Variants in SEMA6A observed in about 807,000 individuals in gnomAD.
SEMA6A encodes semaphorin-6A.
A neutral mutation model predicts 96.8 loss-of-function variants in SEMA6A; 25 were observed. The ratio of observed to expected loss-of-function variants is 0.26; its 90% CI spans 0.19 to 0.36. The LOEUF (loss-of-function observed/expected upper bound fraction) is 0.36. Among genes scored for constraint, SEMA6A ranks in the 10% least tolerant of loss-of-function variants. SEMA6A has a pLI of 1.00. For missense variants in SEMA6A, 1,363 were observed against 1,323.1 expected (o/e 1.03, Z -0.47); for synonymous variants, 612 against 518.0 (o/e 1.18, Z -2.46).
chr5:116,539,972 G>A (rs1394808571), intron 1 of SEMA6A, among the ~76,000 whole-genome samples: 1 of 152,088 alleles, frequency 6.6e-6, no homozygotes, highest in African/African-American at 2.4e-5. Context: ...TTGAGTAAAT[G>A]TACTTGGGAA....
intron 1 of SEMA6A, among the ~76,000 whole-genome samples, chr5:116,570,799 G>T (rs946501502): frequency 6.6e-6 from 1 of 152,154 alleles, no homozygotes; most frequent in Non-Finnish European, 1.5e-5. Context: ...ATTTCATATA[G>T]GAGTGCAACT....
chr5:116,541,554 C>T (rs940148808), intron 1 of SEMA6A, among the ~76,000 whole-genome samples: 1 of 152,112 alleles, frequency 6.6e-6, no homozygotes, highest in African/African-American at 2.4e-5. Context: ...TAGAGCAGGC[C>T]GGGTGCAGTG....
chr5:116,492,944 G>A (rs1181564687), intron 6 of SEMA6A, among the ~76,000 whole-genome samples: 1 of 152,018 alleles, frequency 6.6e-6, no homozygotes, highest in Non-Finnish European at 1.5e-5. Flanking sequence ...CATCAGCAAT[G>A]TCACACTGTC....
At position 116,478,014 on chromosome 5, in the gene SEMA6A, T is replaced by A; in HGVS notation, c.1568A>T (p.Lys523Ile). 1.2e-6 allele frequency: 2 copies of A among 1,613,972 alleles called. No individual in the cohort carries two copies. The highest frequency in any genetic ancestry group is 8.5e-7 in the Non-Finnish European group (1 of 1,179,864). ...GRCERHGKCK[K>I]TCIASRDPYC... Reference sequence around the variant, plus strand: ...ATTGTCAATGAGGCAAAATACATACTTTTTACACTTCCCATGTCGTTCACA... The same window carrying A: ...ATTGTCAATGAGGCAAAATACATACATTTTACACTTCCCATGTCGTTCACA... The change falls in exon 14 of 19, where the codon AAA becomes ATA. Residue 523 changes from lysine to isoleucine, a missense_variant and splice_region_variant. By Grantham distance (102) the Lys-to-Ile change is moderately radical. Transcript: ENST00000343348.
Position 116,446,868 on chromosome 5 carries a change from G to C in SEMA6A, c.2838C>G (p.His946Gln). 1 of 1,613,996 alleles carries C rather than the reference G, an allele frequency of 6.2e-7. No homozygotes were observed. The highest frequency in any genetic ancestry group is 8.5e-7 in the Non-Finnish European group (1 of 1,179,892). The change falls in exon 19 of 19, where the codon CAC (histidine) becomes CAG (glutamine). Residue 946 changes from histidine (H) to glutamine (Q), a missense_variant. This residue lies in a region of SEMA6A where 883 missense variants were observed against 763.6 expected (regional missense o/e 1.16). Transcript: ENST00000343348. The part of the protein sequence containing the change: ...RNNTNSSNSS[H>Q]LSRNQSFGRG... ...TGCCAAAGCTCTGGTTTCTGGAGAG[G>C]TGAGAGGAATTGGAGGAGTTAGTGT...
chr5:116,573,990 G>A (rs895687913), intron 1 of SEMA6A, among the ~76,000 whole-genome samples, 195 bp downstream of exon 1: 1 of 151,824 alleles, frequency 6.6e-6, no homozygotes, highest in Non-Finnish European at 1.5e-5. Flanking sequence ...CTGGGGCGCA[G>A]GGCAGAGAGG....
At chr5:116,456,670 C>A (rs1755028018) in intron 18 of SEMA6A, among the ~76,000 whole-genome samples, 1 of 152,178 alleles carries the variant, frequency 6.6e-6, no homozygotes. Flanking sequence ...GTAACTGTGG[C>A]CGTCAGATAG....
At chr5:116,524,043 C>T (rs1257934360) in intron 1 of SEMA6A, among the ~76,000 whole-genome samples, 2 of 152,140 alleles carry the variant, frequency 1.3e-5, no homozygotes, top group Admixed American at 6.5e-5. Context: ...AACCCACTTA[C>T]AGAATATAAT....
chr5:116,459,020 C>A (rs972253593), intron 18 of SEMA6A, among the ~76,000 whole-genome samples: 3 of 152,110 alleles, frequency 2.0e-5, no homozygotes, highest in Non-Finnish European at 2.9e-5. Flanking sequence ...CATATAGATT[C>A]CTTTTCTCGT....
intron 11 of SEMA6A, among the ~76,000 whole-genome samples, chr5:116,480,600 CG>C: frequency 6.6e-6 from 1 of 152,210 alleles, no homozygotes; most frequent in East Asian, 1.9e-4. Context: ...GCACATATCT[CG>C]GGGATGGTTT....
intron 18 of SEMA6A, among the ~76,000 whole-genome samples, chr5:116,459,439 T>C (rs895933525): frequency 6.6e-6 from 1 of 152,176 alleles, no homozygotes; most frequent in African/African-American, 2.4e-5. Flanking sequence ...CATCCTCCAC[T>C]TCCTGTTGCT....
At chr5:116,550,377 A>T (rs945311466) in intron 1 of SEMA6A, 2 of 152,188 alleles carry the variant, frequency 1.3e-5, no homozygotes, top group African/African-American at 2.4e-5. Flanking sequence ...TTGGTTCTGA[A>T]CATTGAAACC....
chr5:116,534,481 TCCCTCTCC>T (rs1249950885), intron 1 of SEMA6A, among the ~76,000 whole-genome samples: 3 of 152,188 alleles, frequency 2.0e-5, no homozygotes, highest in Non-Finnish European at 4.4e-5. Flanking sequence ...CACACTCCGC[TCCCTCTCC>T]CCAGTGAAGT....
intron 1 of SEMA6A, among the ~76,000 whole-genome samples, chr5:116,573,397 G>T (rs1172952637): frequency 6.7e-6 from 1 of 149,550 alleles, no homozygotes; most frequent in Non-Finnish European, 1.5e-5. Flanking sequence ...CTTCAGGAGG[G>T]ACGCAGCCGC....
At chr5:116,516,802 C>G (rs901418086) in intron 1 of SEMA6A, among the ~76,000 whole-genome samples, 2 of 152,126 alleles carry the variant, frequency 1.3e-5, no homozygotes, top group East Asian at 3.8e-4. Flanking sequence ...AAAATAAATT[C>G]TACGAAATTA....
At chr5:116,478,808 T>C in intron 12 of SEMA6A, 90 bp from the exon 13 acceptor site, 3 of 1,269,248 alleles carry the variant, frequency 2.4e-6, no homozygotes, top group Middle Eastern at 1.9e-4. Context: ...GACATAGCCT[T>C]CTAGTAATAA....
intron 1 of SEMA6A, among the ~76,000 whole-genome samples, chr5:116,561,116 C>T (rs938424324): frequency 3.9e-5 from 6 of 152,126 alleles, no homozygotes; most frequent in African/African-American, 9.7e-5. Flanking sequence ...ATTACTTGAC[C>T]TCTTTGAACC....
intron 1 of SEMA6A, among the ~76,000 whole-genome samples, chr5:116,544,217 G>T (rs1417466085): frequency 1.5e-4 from 23 of 152,058 alleles, no homozygotes; most frequent in Admixed American, 1.5e-3. Flanking sequence ...TGGATGCGGG[G>T]TCTACGGCAT....
intron 17 of SEMA6A, among the ~76,000 whole-genome samples, chr5:116,470,438 A>C (rs1454415336): frequency 6.6e-6 from 1 of 152,208 alleles, no homozygotes; most frequent in East Asian, 1.9e-4. Flanking sequence ...ATTCTCATAA[A>C]ATACAAATAA....
Sources: gnomAD v4.1 joint callset for allele counts (sites outside exome capture counted in the v4.1 genomes callset) on GRCh38, gnomAD v4.1.1 for gene constraint, gnomAD v4.1.1 regional missense constraint, MANE v1.5 for transcripts, NCBI Gene and HGNC (gene_info 2026-07-23, HGNC 2026-07-21) for gene names.